Variants in CACNG3 observed in about 807,000 individuals in gnomAD.
CACNG3 encodes calcium voltage-gated channel auxiliary subunit gamma 3.
CACNG3 carries 3 observed loss-of-function variants against 28.5 expected under a neutral mutation model. That is an observed-to-expected ratio of 0.11 (90% CI 0.05 to 0.27). The LOEUF is 0.27. Ranked by LOEUF, CACNG3 falls within the 10% of genes least tolerant of loss-of-function variation. The pLI, the probability that CACNG3 is intolerant of heterozygous loss-of-function variation, is 1.00. For synonymous variants in CACNG3, 174 were observed against 162.2 expected, an observed-to-expected ratio of 1.07 and a Z score of -0.55; for missense variants, 236 against 414.4, an observed-to-expected ratio of 0.57 and a Z score of 3.74.
intron 1 of CACNG3, among the ~76,000 whole-genome samples, chr16:24,293,737 A>G (rs150927094): frequency 6.6e-6 from 1 of 152,216 alleles, no homozygotes; most frequent in Non-Finnish European, 1.5e-5. Flanking sequence ...ATCTGCTTCC[A>G]TTTCAGTTTC....
chr16:24,297,897 T>C (rs952191471), intron 1 of CACNG3, among the ~76,000 whole-genome samples: 2 of 152,064 alleles, frequency 1.3e-5, no homozygotes, highest in African/African-American at 4.8e-5. Context: ...AAAGACTGGA[T>C]CATACCCCAA....
chr16:24,293,629 T>TGCA (rs1391449301), intron 1 of CACNG3, among the ~76,000 whole-genome samples: 5 of 152,134 alleles, frequency 3.3e-5, no homozygotes, highest in Admixed American at 3.3e-4. Context: ...CAAAAGCACA[T>TGCA]CACTTGCACA....
chr16:24,301,863 A>G (rs1273809743), intron 1 of CACNG3, among the ~76,000 whole-genome samples: 1 of 152,082 alleles, frequency 6.6e-6, no homozygotes, highest in Non-Finnish European at 1.5e-5. Flanking sequence ...ACAACTGCCT[A>G]TTCTCCTCCT....
chr16:24,285,560 A>G (rs1596627679), intron 1 of CACNG3, among the ~76,000 whole-genome samples: 2 of 152,072 alleles, frequency 1.3e-5, no homozygotes, highest in South Asian at 4.1e-4. Context: ...AGCCAGACAC[A>G]ATGGCACACA....
At chr16:24,328,702 G>A (rs1292402152) in intron 1 of CACNG3, among the ~76,000 whole-genome samples, 2 of 152,172 alleles carry the variant, frequency 1.3e-5, no homozygotes, top group Non-Finnish European at 2.9e-5. Context: ...ACGGCCCCGT[G>A]AAGGGCTGGG....
intron 3 of CACNG3, among the ~76,000 whole-genome samples, chr16:24,357,909 T>C (rs960140851): frequency 2.6e-5 from 4 of 152,016 alleles, no homozygotes; most frequent in Non-Finnish European, 5.9e-5. Context: ...AGAGGTATTG[T>C]GAGGGATGGC....
chr16:24,270,639 G>T (rs1898674816), intron 1 of CACNG3, among the ~76,000 whole-genome samples: 1 of 152,222 alleles, frequency 6.6e-6, no homozygotes, highest in Non-Finnish European at 1.5e-5. Context: ...AAGGAAATCA[G>T]GTCTGGACCA....
intron 1 of CACNG3, among the ~76,000 whole-genome samples, chr16:24,328,932 G>A (rs900946466): frequency 1.3e-5 from 2 of 152,016 alleles, no homozygotes; most frequent in Non-Finnish European, 1.5e-5. Context: ...ACACCCTTTC[G>A]TAGGCTCACC....
chr16:24,351,736 AAAGG>A (rs1364408049), intron 2 of CACNG3, among the ~76,000 whole-genome samples: 120 of 74,150 alleles, frequency 1.6e-3, no homozygotes, highest in Non-Finnish European at 2.2e-3. Context: ...AGAGAGAGAG[AAAGG>A]AAGGAAGGAA....
At chr16:24,347,970 G>T (rs1490488363) in intron 2 of CACNG3, among the ~76,000 whole-genome samples, 2 of 152,170 alleles carry the variant, frequency 1.3e-5, no homozygotes, top group East Asian at 3.9e-4. Flanking sequence ...ATATGCATTA[G>T]CTCCCGTTTC....
At chr16:24,282,510 C>A in intron 1 of CACNG3, among the ~76,000 whole-genome samples, 1 of 151,690 alleles carries the variant, frequency 6.6e-6, no homozygotes, top group East Asian at 1.9e-4. Flanking sequence ...CTGTTGACCT[C>A]GTGATCCGCC....
intron 1 of CACNG3, among the ~76,000 whole-genome samples, chr16:24,298,999 G>T (rs916444953): frequency 3.3e-5 from 5 of 152,108 alleles, no homozygotes; most frequent in African/African-American, 9.7e-5. Context: ...AGCCTTGATC[G>T]CCTGTCTGAA....
At chr16:24,345,045 G>C (rs951664293) in intron 1 of CACNG3, among the ~76,000 whole-genome samples, 1 of 152,128 alleles carries the variant, frequency 6.6e-6, no homozygotes, top group African/African-American at 2.4e-5. Context: ...TGAGATAAGG[G>C]GTGTAAGGTT....
intron 1 of CACNG3, among the ~76,000 whole-genome samples, chr16:24,307,755 A>C (rs763590610): frequency 3.9e-5 from 6 of 152,152 alleles, no homozygotes; most frequent in African/African-American, 1.4e-4. Context: ...TGTGCACCTC[A>C]TGGAAGAACT....
intron 1 of CACNG3, among the ~76,000 whole-genome samples, chr16:24,332,875 G>T (rs1899649879): frequency 6.6e-6 from 1 of 152,024 alleles, no homozygotes; most frequent in South Asian, 2.1e-4. Context: ...GCCAGCTCTT[G>T]TCAACACGTG....
intron 1 of CACNG3, among the ~76,000 whole-genome samples, chr16:24,314,857 A>G (rs1297264652): frequency 6.6e-6 from 1 of 151,824 alleles, no homozygotes; most frequent in Admixed American, 6.6e-5. Flanking sequence ...GAGGATGGAA[A>G]ATAGGGGCTG....
chr16:24,273,530 G>T (rs1302762392), intron 1 of CACNG3, among the ~76,000 whole-genome samples: 1 of 152,138 alleles, frequency 6.6e-6, no homozygotes, highest in Non-Finnish European at 1.5e-5. Context: ...CACTCTGGTT[G>T]CATCCTATTC....
chr16:24,317,216 G>A (rs1199700134), intron 1 of CACNG3, among the ~76,000 whole-genome samples: 1 of 152,116 alleles, frequency 6.6e-6, no homozygotes, highest in Non-Finnish European at 1.5e-5. Context: ...TAGAGATGTT[G>A]AGAAATTCAA....
rs144773708 is a variant in CACNG3, at chr16:24,325,044, A to G, written c.212-21690A>G. Among the ~76,000 whole-genome samples the G allele has an allele frequency of 1.7e-3, 258 of 152,308 alleles. 2 individuals carry two copies. Among genetic ancestry groups the G allele is most frequent in the African/African-American group, 6.0e-3 (250 of 41,558 alleles). ...CCTCCCCATCCCCTTTGAAGAACCAAGAGTGCTCTATGTCATGCCTGCGGA... is the reference window on the plus strand; with the variant it reads ...CCTCCCCATCCCCTTTGAAGAACCAGGAGTGCTCTATGTCATGCCTGCGGA... On this transcript the variant is annotated intron_variant, in intron 1 of 3. Coordinates refer to ENST00000005284, the MANE Select transcript of CACNG3 (RefSeq NM_006539.4).
Sources: allele counts gnomAD v4.1 joint callset (sites outside exome capture counted in the v4.1 genomes callset), GRCh38; gene constraint gnomAD v4.1.1; transcripts MANE v1.5; gene names NCBI Gene and HGNC (gene_info 2026-07-23, HGNC 2026-07-21).